Variants in TOX observed in about 807,000 individuals in gnomAD.
The protein encoded by TOX is thymocyte selection associated high mobility group box, also known as thymocyte selection-associated high mobility group box protein TOX.
In TOX, 11 loss-of-function variants were observed where a neutral mutation model predicts 53.7. The observed-to-expected ratio is 0.20, with a 90% CI of 0.13 to 0.34. TOX has a LOEUF of 0.34. TOX is among the 10% of genes least tolerant of loss of function. The pLI is 1.00. For synonymous variants in TOX, 225 were observed against 245.3 expected, an observed-to-expected ratio of 0.92 and a Z score of 0.77; for missense variants, 570 against 664.6, an observed-to-expected ratio of 0.86 and a Z score of 1.56.
intron 1 of TOX, among the ~76,000 whole-genome samples, chr8:59,104,390 C>T (rs1804859238): frequency 6.6e-6 from 1 of 152,150 alleles, no homozygotes; most frequent in Non-Finnish European, 1.5e-5. Context: ...CCTCGGAGAG[C>T]CAAGGATGTC....
intron 3 of TOX, among the ~76,000 whole-genome samples, chr8:58,934,976 A>G (rs565730203): frequency 2.0e-5 from 3 of 152,170 alleles, no homozygotes; most frequent in Non-Finnish European, 4.4e-5. Context: ...TCCATTTGTA[A>G]AATTGGGATA....
At chr8:58,987,280 C>T (rs543311208) in intron 1 of TOX, among the ~76,000 whole-genome samples, 3 of 152,300 alleles carry the variant, frequency 2.0e-5, no homozygotes, top group African/African-American at 7.2e-5. Context: ...CCAATTGTCA[C>T]ACACTGGCCT....
At chr8:59,020,600 ATTTCTT>A (rs1296146197) in intron 1 of TOX, among the ~76,000 whole-genome samples, 1 of 152,048 alleles carries the variant, frequency 6.6e-6, no homozygotes, top group Non-Finnish European at 1.5e-5. Flanking sequence ...ACATCTTACA[ATTTCTT>A]TTTAAGTGTC....
intron 1 of TOX, among the ~76,000 whole-genome samples, chr8:58,982,459 T>C (rs920689062): frequency 6.6e-6 from 1 of 152,208 alleles, no homozygotes; most frequent in Non-Finnish European, 1.5e-5. Flanking sequence ...GAATCTCAAG[T>C]TGATTGTGTT....
intron 3 of TOX, among the ~76,000 whole-genome samples, chr8:58,886,139 T>G (rs1033547714): frequency 6.6e-6 from 1 of 152,086 alleles, no homozygotes; most frequent in African/African-American, 2.4e-5. Flanking sequence ...GAGAGAACAG[T>G]CTTTTTACCT....
intron 1 of TOX, among the ~76,000 whole-genome samples, chr8:59,057,853 T>C (rs973272003): frequency 6.6e-6 from 1 of 152,134 alleles, no homozygotes; most frequent in Non-Finnish European, 1.5e-5. Flanking sequence ...TTTTGTTTTT[T>C]GGAGTTTTTT....
Position 58,815,723 on chromosome 8 carries a change from C to T in TOX, c.1007G>A (p.Ser336Asn), listed in dbSNP as rs781293745. The T allele has an allele frequency of 1.9e-5, 31 of 1,604,048 alleles. No individual in the cohort carries two copies. The highest frequency in any genetic ancestry group is 2.5e-5 in the Non-Finnish European group (29 of 1,174,756). The change falls in exon 7 of 9, where the codon AGC becomes AAC. Residue 336 changes from serine to asparagine, a missense_variant and splice_region_variant. Physicochemically the swap from Ser to Asn is conservative, Grantham distance 46. Coordinates refer to ENST00000361421, the MANE Select transcript of TOX (RefSeq NM_014729.3). ...CTTCACGTCAACAGGTTCACTGTAG[C>T]TCTGTTGAGGAAATAAATGAGCAGA... is the stretch of plus-strand genomic sequence containing the variant. ...AAYRASLVSK[S>N]YSEPVDVKTS...
At chr8:58,894,994 C>T (rs934649326) in intron 3 of TOX, among the ~76,000 whole-genome samples, 2 of 151,988 alleles carry the variant, frequency 1.3e-5, no homozygotes, top group Non-Finnish European at 2.9e-5. Context: ...TTGAGACCAG[C>T]CTGGCCAATA....
At chr8:58,951,888 C>T (rs950717967) in intron 2 of TOX, among the ~76,000 whole-genome samples, 3 of 152,076 alleles carry the variant, frequency 2.0e-5, no homozygotes, top group African/African-American at 7.2e-5. Flanking sequence ...AAGATAGCCA[C>T]CAATTAATTT....
At chr8:58,940,747 G>A (rs1812424495) in intron 2 of TOX, among the ~76,000 whole-genome samples, 1 of 152,148 alleles carries the variant, frequency 6.6e-6, no homozygotes, top group Non-Finnish European at 1.5e-5. Flanking sequence ...GTATTCATAT[G>A]GTGTCCAGCC....
At position 59,032,531 on chromosome 8, in the gene TOX, A is replaced by G. The variant is rs552947732; in HGVS notation, c.103-72523T>C. Among the ~76,000 whole-genome samples, 6 of 152,216 alleles carry G rather than the reference A, an allele frequency of 3.9e-5. No individual in the cohort carries two copies. In the South Asian group the frequency reaches 1.0e-3, roughly 26 times the overall value. ...TGCCCATGCCATCACCTCCAATTGC[A>G]TTCCTCCTTCTTCACCTATACCTCT... is the stretch of plus-strand genomic sequence containing the variant. On this transcript the variant is annotated intron_variant, in intron 1 of 8. Coordinates refer to ENST00000361421, the MANE Select transcript of TOX (RefSeq NM_014729.3).
At position 58,994,419 on chromosome 8, in the gene TOX, T is replaced by TGC. The variant is rs1554536881; in HGVS notation, c.103-34413_103-34412dup. Among the ~76,000 whole-genome samples the TGC allele has an allele frequency of 7.3e-3, 1,032 of 141,276 alleles. 11 individuals carry two copies. The highest frequency in any genetic ancestry group is 0.027 in the African/African-American group (951 of 34,746). The allele number at this position is 141,276 out of a possible 152,430, so 92.7% of individuals were successfully genotyped here. ...GTGTGTGTGTGTGTGTGTGTGTGTG[T>TGC]GCGCGCGCGCATGTGTGTGTATTTT... On this transcript the variant is annotated intron_variant, in intron 1 of 8. Coordinates refer to ENST00000361421, the MANE Select transcript of TOX (RefSeq NM_014729.3).
intron 3 of TOX, among the ~76,000 whole-genome samples, chr8:58,894,601 C>T (rs777990223): frequency 1.3e-5 from 2 of 152,086 alleles, no homozygotes; most frequent in Non-Finnish European, 2.9e-5. Flanking sequence ...TCTGGTTATT[C>T]TGGAGTTCTG....
chr8:59,062,345 A>G (rs1563434053), intron 1 of TOX, among the ~76,000 whole-genome samples: 2 of 152,244 alleles, frequency 1.3e-5, no homozygotes, highest in African/African-American at 4.8e-5. Context: ...GCGGAAGAAC[A>G]TGTCCAAATG....
At chr8:58,936,000 C>T (rs776840549) in intron 3 of TOX, among the ~76,000 whole-genome samples, 2 of 152,172 alleles carry the variant, frequency 1.3e-5, no homozygotes, top group Non-Finnish European at 2.9e-5. Context: ...GGATAACGGG[C>T]GCCAGCGGCT....
At chr8:59,005,894 A>G (rs1172253998) in intron 1 of TOX, among the ~76,000 whole-genome samples, 2 of 152,154 alleles carry the variant, frequency 1.3e-5, no homozygotes, top group Non-Finnish European at 2.9e-5. Flanking sequence ...AGCAGTTCTG[A>G]TGCATTTTCT....
At chr8:58,820,333 T>C (rs890911166) in intron 6 of TOX, among the ~76,000 whole-genome samples, 3 of 152,174 alleles carry the variant, frequency 2.0e-5, no homozygotes, top group Non-Finnish European at 2.9e-5. Flanking sequence ...TCATGAACTA[T>C]TCCTTAAGGT....
chr8:59,081,183 C>T (rs189691293), intron 1 of TOX, among the ~76,000 whole-genome samples: 204 of 152,074 alleles, frequency 1.3e-3, no homozygotes, highest in African/African-American at 4.6e-3. Flanking sequence ...AGTACCACCA[C>T]GCCCAGCTAA....
chr8:59,024,923 T>C (rs55894441), intron 1 of TOX, among the ~76,000 whole-genome samples: 39,107 of 152,144 alleles, frequency 0.26, 6,482 homozygotes, highest in Non-Finnish European at 0.37. Flanking sequence ...AATAGGATTA[T>C]TAAAGATCAT....
Sources: gnomAD v4.1 joint callset for allele counts (sites outside exome capture counted in the v4.1 genomes callset) on GRCh38, gnomAD v4.1.1 for gene constraint, MANE v1.5 for transcripts, NCBI Gene and HGNC (gene_info 2026-07-23, HGNC 2026-07-21) for gene names.